STYXL1: variants seen among roughly 807,000 people sequenced by gnomAD.
STYXL1 encodes serine/threonine/tyrosine interacting like 1, also known as serine/threonine/tyrosine-interacting-like protein 1.
STYXL1 carries 32 observed loss-of-function variants against 36.4 expected under a neutral mutation model. That is an observed-to-expected ratio of 0.88 (90% CI 0.66 to 1.18). The LOEUF (loss-of-function observed/expected upper bound fraction) is 1.18, where lower values mean the gene tolerates loss of function less well. Among genes scored for constraint, STYXL1 ranks in the 50% most tolerant of loss-of-function variants. The pLI is 0.00. For synonymous variants in STYXL1, 133 were observed against 144.1 expected (o/e 0.92, Z 0.55); for missense variants, 354 against 394.1 (o/e 0.90, Z 0.86).
intron 8 of STYXL1, 84 bp downstream of exon 8, chr7:76,000,805 TG>T: frequency 2.6e-6 from 3 of 1,161,222 alleles, no homozygotes; most frequent in Non-Finnish European, 3.9e-6. Flanking sequence ...AAAGCAGTGC[TG>T]GGGCCCCACT....
chr7:76,008,816 G>C (rs1165944590), intron 5 of STYXL1, among the ~76,000 whole-genome samples: 2 of 152,072 alleles, frequency 1.3e-5, no homozygotes, highest in African/African-American at 2.4e-5. Context: ...GACCAGCCTG[G>C]CCAACATAGT....
At chr7:76,030,689 T>C (rs1446463736) in intron 1 of STYXL1, among the ~76,000 whole-genome samples, 162 bp from the exon 2 acceptor site, 2 of 151,932 alleles carry the variant, frequency 1.3e-5, no homozygotes, top group African/African-American at 2.4e-5. Flanking sequence ...TAGTGAAATA[T>C]AGTGCGCAGA....
intron 2 of STYXL1, 104 bp downstream of exon 2, chr7:76,030,317 A>G: frequency 1.2e-6 from 1 of 821,602 alleles, no homozygotes. Flanking sequence ...CCTGTTCTAA[A>G]GTCATTCACT....
intron 3 of STYXL1, among the ~76,000 whole-genome samples, chr7:76,023,970 G>A (rs1397517356): frequency 6.6e-6 from 1 of 152,040 alleles, no homozygotes; most frequent in Admixed American, 6.6e-5. Flanking sequence ...CCGAGATCGC[G>A]TCACTGCACT....
At chr7:76,002,590 G>T (rs1220384454) in intron 7 of STYXL1, among the ~76,000 whole-genome samples, 1 of 152,168 alleles carries the variant, frequency 6.6e-6, no homozygotes, top group Non-Finnish European at 1.5e-5. Flanking sequence ...CTCAGCCTCA[G>T]GCCCTGGTTG....
intron 3 of STYXL1, among the ~76,000 whole-genome samples, chr7:76,026,738 A>C (rs1794763063): frequency 6.6e-6 from 1 of 152,334 alleles, no homozygotes; most frequent in East Asian, 1.9e-4. Flanking sequence ...GAAGGAGAAA[A>C]TGAAGGTGAA....
In STYXL1 at chr7:76,047,932, G is replaced by A. The variant is rs951777510; in HGVS notation, c.-275C>T. On this transcript the variant is annotated 5_prime_UTR_variant, in exon 1 of 9. Coordinates refer to ENST00000359697, the MANE Select transcript of STYXL1 (RefSeq NM_001317785.2). ...CCCCACCGGCCACACAGACGGCTAC[G>A]CTAGAACCCAGCCAAACACCGGGGT... The A allele has an allele frequency of 3.8e-5, 55 of 1,446,468 alleles. No individual in the cohort carries two copies. Among genetic ancestry groups the A allele is most frequent in the East Asian group, 7.7e-5 (3 of 38,954 alleles). The allele number at this position is 1,446,468 out of a possible 1,614,324, so 89.6% of individuals were successfully genotyped here. A position where few individuals can be genotyped will look rare whatever the true frequency, so the allele number is the denominator to read the frequency against.
rs1554563964 is a variant in STYXL1 at position 75,996,420 on chromosome 7, G to A, written c.*48C>T. ...CACTCTGGCCCTCCACCCACAAAAT[G>A]CCCCCAGGTGAGGCTCTTCAGTACC... On this transcript the variant is annotated 3_prime_UTR_variant, in exon 9 of 9. Coordinates refer to ENST00000359697, the MANE Select transcript of STYXL1 (RefSeq NM_001317785.2). 6.2e-7 allele frequency: 1 copy of A among 1,613,856 alleles called. No individual in the cohort carries two copies.
intron 8 of STYXL1, 82 bp downstream of exon 8, chr7:76,000,808 G>T: frequency 4.0e-6 from 5 of 1,248,572 alleles, no homozygotes; most frequent in Non-Finnish European, 5.9e-6. Flanking sequence ...GCAGTGCTGG[G>T]GCCCCACTCC....
At position 76,046,345 on chromosome 7, in the gene STYXL1, C is replaced by T. The variant is rs1451402240; in HGVS notation, c.-5+1317G>A. The stretch of plus-strand genomic sequence containing the variant: ...GTGTGTGTGTGTGTGTGTGTGCGCG[C>T]GCGCGCGCGCGCGCTTTTGAGCCGG... On this transcript the variant is annotated intron_variant, in intron 1 of 8. Transcript: ENST00000359697. Among the ~76,000 whole-genome samples the T allele has an allele frequency of 3.1e-3, 140 of 45,298 alleles. 1 individual carries two copies. The highest frequency in any genetic ancestry group is 7.0e-3 in the East Asian group (9 of 1,286). 29.7% of individuals were successfully genotyped at this position (45,298 alleles called of 152,430 possible). A position where few individuals can be genotyped will look rare whatever the true frequency, so the allele number is the denominator to read the frequency against.
At chr7:76,015,646 A>G (rs1287601231) in intron 4 of STYXL1, among the ~76,000 whole-genome samples, 1 of 152,244 alleles carries the variant, frequency 6.6e-6, no homozygotes, top group South Asian at 2.1e-4. Context: ...TCCAAAATCT[A>G]TAAGGAACTG....
At chr7:76,046,508 A>G (rs1207383145) in intron 1 of STYXL1, among the ~76,000 whole-genome samples, 1 of 150,944 alleles carries the variant, frequency 6.6e-6, no homozygotes, top group Non-Finnish European at 1.5e-5. Flanking sequence ...CACCATGCCC[A>G]GCCAATTTTT....
At chr7:76,038,809 C>T (rs1796199054) in intron 1 of STYXL1, among the ~76,000 whole-genome samples, 2 of 147,488 alleles carry the variant, frequency 1.4e-5, no homozygotes, top group Admixed American at 1.3e-4. Flanking sequence ...CTCTTAGAGA[C>T]AGCGTCTCAC....
chr7:76,005,867 A>AAGAGAGAGGAGGG (rs1554570094), intron 5 of STYXL1, among the ~76,000 whole-genome samples: 1 of 31,198 alleles, frequency 3.2e-5, no homozygotes, highest in Non-Finnish European at 8.9e-5. Flanking sequence ...AGAGAGGAGG[A>AAGAGAGAGGAGGG]AGAGAGAGGA....
At chr7:76,019,058 TTTAATC>T (rs1250042229) in intron 4 of STYXL1, among the ~76,000 whole-genome samples, 1 of 152,204 alleles carries the variant, frequency 6.6e-6, no homozygotes, top group East Asian at 1.9e-4. Flanking sequence ...TTGACATCAA[TTTAATC>T]TTAAACACCT....
chr7:76,006,504 C>CTG (rs1644531902), intron 5 of STYXL1, among the ~76,000 whole-genome samples: 1 of 152,112 alleles, frequency 6.6e-6, no homozygotes, highest in Non-Finnish European at 1.5e-5. Context: ...TGGCTCAAGC[C>CTG]TGTAATCCCA....
intron 1 of STYXL1, among the ~76,000 whole-genome samples, chr7:76,035,973 C>T (rs1795870490): frequency 6.7e-6 from 1 of 149,954 alleles, no homozygotes; most frequent in Non-Finnish European, 1.5e-5. Flanking sequence ...CTGAACCTAA[C>T]AGCATGATTC....
At chr7:76,029,722 G>A (rs919959048) in intron 2 of STYXL1, among the ~76,000 whole-genome samples, 5 of 152,290 alleles carry the variant, frequency 3.3e-5, no homozygotes, top group South Asian at 2.1e-4. Flanking sequence ...GATAGTGACA[G>A]ATCATCAGGC....
chr7:76,004,996 G>A (rs889949234), intron 6 of STYXL1, among the ~76,000 whole-genome samples: 48 of 152,044 alleles, frequency 3.2e-4, no homozygotes, highest in Admixed American at 1.2e-3. Flanking sequence ...GTGAGACTCC[G>A]TCTCAAAAAA....
Sources: allele counts gnomAD v4.1 joint callset (sites outside exome capture counted in the v4.1 genomes callset), GRCh38; gene constraint gnomAD v4.1.1; transcripts MANE v1.5; gene names NCBI Gene and HGNC (gene_info 2026-07-23, HGNC 2026-07-21).